The following ALKBH5 variants were observed in gnomAD, a reference collection of about 807,000 sequenced individuals.
ALKBH5 encodes RNA demethylase ALKBH5.
In ALKBH5, 2 loss-of-function variants were observed where a neutral mutation model predicts 32.1. That is an observed-to-expected ratio of 0.06 (90% CI 0.03 to 0.20). The LOEUF is 0.20. Among genes scored for constraint, ALKBH5 ranks in the 10% least tolerant of loss-of-function variants. The pLI is 1.00. For synonymous variants in ALKBH5, 300 were observed against 231.7 expected, an observed-to-expected ratio of 1.29 and a Z score of -2.68; for missense variants, 352 against 559.5, an observed-to-expected ratio of 0.63 and a Z score of 3.74.
chr17:18,209,735 G>A lies in ALKBH5; in HGVS notation c.*1339G>A, dbSNP rs2047293714. On this transcript the variant is annotated 3_prime_UTR_variant, in exon 4 of 4. Coordinates refer to ENST00000399138, the MANE Select transcript of ALKBH5 (RefSeq NM_017758.4). ...GAGGTCCGGGTCTGAGACCTCATAGGCTGCAGAAATCTGGGGCAGCCACCA... is the reference window on the plus strand; with the variant it reads ...GAGGTCCGGGTCTGAGACCTCATAGACTGCAGAAATCTGGGGCAGCCACCA... The A allele has an allele frequency of 6.6e-6, 1 of 152,514 alleles. No individual in the cohort carries two copies. The allele number at this position is 152,514 out of a possible 1,614,324, so 9.4% of individuals were successfully genotyped here. A position where few individuals can be genotyped will look rare whatever the true frequency, so the allele number is the denominator to read the frequency against.
intron 2 of ALKBH5, among the ~76,000 whole-genome samples, chr17:18,196,093 GT>G (rs2047202379): frequency 1.3e-5 from 2 of 151,814 alleles, no homozygotes; most frequent in African/African-American, 2.4e-5. Flanking sequence ...ATTTCCTTAG[GT>G]TTTTCCTAAT....
At chr17:18,192,559 A>G (rs930576258) in intron 1 of ALKBH5, among the ~76,000 whole-genome samples, 6 of 152,246 alleles carry the variant, frequency 3.9e-5, no homozygotes, top group African/African-American at 2.4e-5. Context: ...AAGAAACTGT[A>G]CAGGTTTTTA....
At chr17:18,198,568 G>GC (rs1342552584) in intron 2 of ALKBH5, among the ~76,000 whole-genome samples, 1 of 152,184 alleles carries the variant, frequency 6.6e-6, no homozygotes, top group Non-Finnish European at 1.5e-5. Flanking sequence ...TGGGCATTGA[G>GC]CCTGGCCCTG....
Position 18,183,960 on chromosome 17 carries a change from A to T in ALKBH5, c.-284A>T. ...GGGAGTCGGGCCGCGTCTCCGCAGC[A>T]GCCCTCCGCGGCATGAGGCGCTGCC... On this transcript the variant is annotated 5_prime_UTR_variant, in exon 1 of 4. Transcript: ENST00000399138. The T allele has an allele frequency of 1.6e-6, 1 of 611,840 alleles. No homozygotes were observed. The highest frequency in any genetic ancestry group is 3.0e-6 in the Non-Finnish European group (1 of 330,790). The allele number at this position is 611,840 out of a possible 1,614,324, so 37.9% of individuals were successfully genotyped here. A position where few individuals can be genotyped will look rare whatever the true frequency, so the allele number is the denominator to read the frequency against.
At position 18,208,467 on chromosome 17, in the gene ALKBH5, T is replaced by A; in HGVS notation, c.*71T>A. ...TTGCCCCTCCTTTTGTTTTGAGGGTTTTGTTTTTGTTCATTGGGGGGTTTT... is the reference window on the plus strand; with the variant it reads ...TTGCCCCTCCTTTTGTTTTGAGGGTATTGTTTTTGTTCATTGGGGGGTTTT... On this transcript the variant is annotated 3_prime_UTR_variant, in exon 4 of 4. Coordinates refer to ENST00000399138, the MANE Select transcript of ALKBH5 (RefSeq NM_017758.4). 6.4e-7 allele frequency: 1 copy of A among 1,554,544 alleles called. No homozygotes were observed. Among genetic ancestry groups the A allele is most frequent in the Non-Finnish European group, 8.8e-7 (1 of 1,138,486 alleles).
intron 2 of ALKBH5, among the ~76,000 whole-genome samples, chr17:18,196,822 G>C (rs1351831777): frequency 6.6e-6 from 1 of 152,154 alleles, no homozygotes; most frequent in East Asian, 1.9e-4. Flanking sequence ...GAGCATGCAG[G>C]TGAATTACTT....
At chr17:18,201,776 TA>T (rs2047238239) in intron 2 of ALKBH5, among the ~76,000 whole-genome samples, 4 of 112,322 alleles carry the variant, frequency 3.6e-5, no homozygotes, top group African/African-American at 1.3e-4. Flanking sequence ...GATAGATAGA[TA>T]GATAGATAGG....
chr17:18,194,905 T>C (rs1362616495), intron 1 of ALKBH5, 50 bp from the exon 2 acceptor site: 9 of 1,564,246 alleles, frequency 5.8e-6, no homozygotes, highest in Non-Finnish European at 7.9e-6. Flanking sequence ...CCCAGGAACT[T>C]TGGTTGTCTG....
At chr17:18,205,184 A>G (rs1271301978) in intron 2 of ALKBH5, among the ~76,000 whole-genome samples, 1 of 152,224 alleles carries the variant, frequency 6.6e-6, no homozygotes, top group East Asian at 1.9e-4. Context: ...CCTCAGCGCA[A>G]AGAAGCCTTA....
intron 3 of ALKBH5, among the ~76,000 whole-genome samples, chr17:18,207,705 A>T (rs1421476102): frequency 6.6e-6 from 1 of 152,132 alleles, no homozygotes; most frequent in Non-Finnish European, 1.5e-5. Context: ...GAAGGTTTCC[A>T]AGGAGGTAAT....
At chr17:18,201,797 A>AT (rs1567676671) in intron 2 of ALKBH5, among the ~76,000 whole-genome samples, 35 of 37,394 alleles carry the variant, frequency 9.4e-4, no homozygotes, top group South Asian at 5.6e-3. Context: ...GATAGATAAG[A>AT]TAGATAGATA....
chr17:18,192,927 T>C (rs1419332669), intron 1 of ALKBH5, among the ~76,000 whole-genome samples: 2 of 146,508 alleles, frequency 1.4e-5, no homozygotes, highest in African/African-American at 2.6e-5. Context: ...TGGCACTATC[T>C]CGGCTCACGG....
At chr17:18,193,666 C>T (rs1049768219) in intron 1 of ALKBH5, among the ~76,000 whole-genome samples, 1 of 152,190 alleles carries the variant, frequency 6.6e-6, no homozygotes, top group Non-Finnish European at 1.5e-5. Flanking sequence ...CTTTTTATCT[C>T]TTGTTGGCTC....
intron 1 of ALKBH5, among the ~76,000 whole-genome samples, chr17:18,194,174 G>T (rs1339658695): frequency 1.3e-5 from 2 of 151,372 alleles, no homozygotes; most frequent in Non-Finnish European, 2.9e-5. Context: ...GGGGTCAGTG[G>T]TGGGGACAGA....
At chr17:18,205,141 T>C (rs1476324681) in intron 2 of ALKBH5, among the ~76,000 whole-genome samples, 1 of 152,132 alleles carries the variant, frequency 6.6e-6, no homozygotes, top group African/African-American at 2.4e-5. Context: ...ATCCCAGCCT[T>C]GAAGGAGGCA....
chr17:18,184,297 G>T lies in ALKBH5; in HGVS notation c.54G>T (p.Thr18=). 3 of 1,527,262 alleles carry T rather than the reference G, an allele frequency of 2.0e-6. No homozygotes were observed. In the South Asian group the frequency reaches 3.7e-5, roughly 19 times the overall value. The allele number at this position is 1,527,262 out of a possible 1,614,324, so 94.6% of individuals were successfully genotyped here. ...TDLREKLKSM[T]SRDNYKAGSR... The stretch of plus-strand genomic sequence containing the variant: ...TGCGTGAGAAGCTCAAGTCCATGAC[G>T]TCCCGGGACAACTATAAGGCGGGCA... The change falls in exon 1 of 4, where the codon ACG becomes ACT. Residue 18 remains threonine (T), a synonymous_variant. Coordinates refer to ENST00000399138, the MANE Select transcript of ALKBH5 (RefSeq NM_017758.4).
At chr17:18,206,601 C>G in intron 2 of ALKBH5, 1 of 558,462 alleles carries the variant, frequency 1.8e-6, no homozygotes, top group Non-Finnish European at 3.2e-6. Context: ...GAAGTGTTCC[C>G]ATTCCTTACT....
At chr17:18,198,898 T>C (rs925543977) in intron 2 of ALKBH5, among the ~76,000 whole-genome samples, 3 of 152,178 alleles carry the variant, frequency 2.0e-5, no homozygotes, top group South Asian at 2.1e-4. Flanking sequence ...CTTGGTGTTA[T>C]AATGTTTGGG....
chr17:18,201,878 G>T (rs1223243211), intron 2 of ALKBH5, among the ~76,000 whole-genome samples: 1 of 152,020 alleles, frequency 6.6e-6, no homozygotes, highest in African/African-American at 2.4e-5. Flanking sequence ...AACCAGGTGT[G>T]GTGGCATATA....
Sources: gnomAD v4.1 joint callset for allele counts (sites outside exome capture counted in the v4.1 genomes callset) on GRCh38, gnomAD v4.1.1 for gene constraint, MANE v1.5 for transcripts, NCBI Gene and HGNC (gene_info 2026-07-23, HGNC 2026-07-21) for gene names.